The following HCK variants were observed in gnomAD, a reference collection of about 807,000 sequenced individuals.
HCK encodes the protein HCK proto-oncogene, Src family tyrosine kinase.
HCK carries 40 observed loss-of-function variants against 70.4 expected under a neutral mutation model. The ratio of observed to expected loss-of-function variants is 0.57; its 90% CI spans 0.44 to 0.74. HCK has a LOEUF of 0.74. Ranked by LOEUF, HCK falls within the 30% of genes least tolerant of loss-of-function variation. The pLI is 0.00. For synonymous variants in HCK, 245 were observed against 263.2 expected, an observed-to-expected ratio of 0.93 and a Z score of 0.67; for missense variants, 568 against 697.2, an observed-to-expected ratio of 0.81 and a Z score of 2.09.
At chr20:32,061,299 A>G (rs2045372483) in intron 1 of HCK, among the ~76,000 whole-genome samples, 1 of 152,092 alleles carries the variant, frequency 6.6e-6, no homozygotes, top group Non-Finnish European at 1.5e-5. Context: ...CATTCTAAGG[A>G]AAGTTTGTCA....
chr20:32,068,716 C>T (rs1467695927), intron 1 of HCK, among the ~76,000 whole-genome samples: 5 of 152,142 alleles, frequency 3.3e-5, no homozygotes, highest in Non-Finnish European at 7.4e-5. Context: ...GTCAGGAGTT[C>T]AAGACCAGCC....
chr20:32,089,276 C>G (rs575044293), intron 10 of HCK, among the ~76,000 whole-genome samples: 46 of 152,300 alleles, frequency 3.0e-4, no homozygotes, highest in African/African-American at 1.1e-3. Flanking sequence ...CAGGGACCCC[C>G]TCAATGTAAC....
At chr20:32,054,668 T>C (rs1215742490) in intron 1 of HCK, among the ~76,000 whole-genome samples, 2 of 151,014 alleles carry the variant, frequency 1.3e-5, no homozygotes, top group Admixed American at 1.3e-4. Flanking sequence ...TAGCCGGGCA[T>C]GGTGGCGGGC....
At chr20:32,052,796 GATTTTTTT>G (rs1252829628) in intron 1 of HCK, among the ~76,000 whole-genome samples, 2,564 of 109,566 alleles carry the variant, frequency 0.023, 108 homozygotes, top group African/African-American at 0.05. Context: ...GGGGGGCGGG[GATTTTTTT>G]TTTAATTTAA....
chr20:32,084,642 C>A, intron 8 of HCK, 99 bp downstream of exon 8: 1 of 1,115,956 alleles, frequency 9.0e-7, no homozygotes. Flanking sequence ...GGAATGCTAC[C>A]CAAGGCAGAG....
At chr20:32,084,702 C>G (rs1438235266) in intron 8 of HCK, among the ~76,000 whole-genome samples, 159 bp downstream of exon 8, 1 of 152,178 alleles carries the variant, frequency 6.6e-6, no homozygotes, top group Non-Finnish European at 1.5e-5. Context: ...GATAGCAAAC[C>G]AAATTGTCTT....
intron 1 of HCK, among the ~76,000 whole-genome samples, chr20:32,055,884 A>G (rs892731638): frequency 3.3e-5 from 5 of 152,156 alleles, no homozygotes; most frequent in African/African-American, 4.8e-5. Context: ...TCTACGGACT[A>G]ATTTATTCAG....
chr20:32,084,641 C>A, intron 8 of HCK, 98 bp downstream of exon 8: 1 of 1,129,994 alleles, frequency 8.8e-7, no homozygotes, highest in Middle Eastern at 3.0e-4. Flanking sequence ...GGGAATGCTA[C>A]CCAAGGCAGA....
At chr20:32,068,391 T>C (rs1453704959) in intron 1 of HCK, among the ~76,000 whole-genome samples, 1 of 132,162 alleles carries the variant, frequency 7.6e-6, no homozygotes, top group East Asian at 2.0e-4. Context: ...TGAAAATAAT[T>C]TTTTTTTAAA....
chr20:32,066,331 T>G lies in HCK; in HGVS notation c.63-5331T>G, dbSNP rs6061148. 6.1e-5 allele frequency among the ~76,000 whole-genome samples: 5 copies of G among 81,906 alleles called. 2 individuals are homozygous for G. Among genetic ancestry groups the G allele is most frequent in the African/African-American group, 1.3e-4 (3 of 23,164 alleles). 53.7% of individuals were successfully genotyped at this position (81,906 alleles called of 152,430 possible). On this transcript the variant is annotated intron_variant, in intron 1 of 12. Coordinates refer to ENST00000375852, the MANE Select transcript of HCK (RefSeq NM_002110.5). Reference sequence around the variant, plus strand: ...TTTTTTTTTTTTTTTTTTTTTTTTTTGACAGAGTCTTGCTCTGTTTCCCAG... The same window carrying G: ...TTTTTTTTTTTTTTTTTTTTTTTTTGGACAGAGTCTTGCTCTGTTTCCCAG...
intron 1 of HCK, among the ~76,000 whole-genome samples, chr20:32,057,738 T>G (rs1321682798): frequency 1.3e-5 from 2 of 152,352 alleles, no homozygotes; most frequent in East Asian, 3.9e-4. Flanking sequence ...TTTCTTTTTT[T>G]ATACCACAAG....
intron 1 of HCK, among the ~76,000 whole-genome samples, chr20:32,058,451 G>T (rs762352870): frequency 2.9e-4 from 43 of 150,654 alleles, no homozygotes; most frequent in African/African-American, 9.8e-4. Flanking sequence ...AGAATTGCTG[G>T]AACCCGGGAG....
intron 5 of HCK, among the ~76,000 whole-genome samples, 188 bp downstream of exon 5, chr20:32,074,909 T>A (rs1299799133): frequency 6.6e-6 from 1 of 152,156 alleles, no homozygotes; most frequent in Non-Finnish European, 1.5e-5. Flanking sequence ...CTAAAGTGGG[T>A]CCCAGCTGTG....
chr20:32,066,814 G>A (rs2045466309), intron 1 of HCK, among the ~76,000 whole-genome samples: 1 of 152,092 alleles, frequency 6.6e-6, no homozygotes, highest in African/African-American at 2.4e-5. Context: ...CCCACCCTGG[G>A]CTTCTGGTTC....
intron 5 of HCK, among the ~76,000 whole-genome samples, chr20:32,075,025 A>G (rs1464178638): frequency 6.6e-6 from 1 of 152,218 alleles, no homozygotes; most frequent in Non-Finnish European, 1.5e-5. Context: ...CCTGCCCTGC[A>G]AGGAAGAGAG....
intron 3 of HCK, 148 bp from the exon 4 acceptor site, chr20:32,073,568 G>A: frequency 1.5e-6 from 1 of 662,764 alleles, no homozygotes. Flanking sequence ...TTAAACTTGA[G>A]AATCACACCC....
chr20:32,073,304 A>G lies in HCK; in HGVS notation c.184-15A>G. On this transcript the variant is annotated splice_polypyrimidine_tract_variant and intron_variant, in intron 2 of 12. Transcript: ENST00000375852. ...TTGGTCAGATTCATTCTCTTCTCTC[A>G]TTTCTTCCCCACAGGGGCCTAATAG... The G allele has an allele frequency of 6.2e-7, 1 of 1,609,734 alleles. No homozygotes were observed. The highest frequency in any genetic ancestry group is 8.5e-7 in the Non-Finnish European group (1 of 1,177,510).
chr20:32,073,954 C>T, intron 4 of HCK, 136 bp downstream of exon 4: 1 of 609,380 alleles, frequency 1.6e-6, no homozygotes, highest in Non-Finnish European at 3.0e-6. Context: ...AAGCTAATCA[C>T]AATAGTGGAG....
At chr20:32,087,645 A>AT (rs879360716) in intron 9 of HCK, among the ~76,000 whole-genome samples, 69 of 144,396 alleles carry the variant, frequency 4.8e-4, no homozygotes, top group Non-Finnish European at 6.8e-4. Context: ...TTCTAAAAAA[A>AT]TTTTTTTTTT....
Sources: allele counts gnomAD v4.1 joint callset (sites outside exome capture counted in the v4.1 genomes callset), GRCh38; gene constraint gnomAD v4.1.1; transcripts MANE v1.5; gene names NCBI Gene and HGNC (gene_info 2026-07-23, HGNC 2026-07-21).